The following FMN1 variants were observed in gnomAD, a reference collection of about 807,000 sequenced individuals.
FMN1 encodes the protein formin-1.
Under a neutral mutation model 132.4 loss-of-function variants are expected in FMN1, and 110 were observed. That is an observed-to-expected ratio of 0.83 (90% confidence interval 0.71 to 0.97). The LOEUF is 0.97. Ranked by LOEUF, FMN1 falls within the 50% of genes least tolerant of loss-of-function variation. The pLI is 0.00. For synonymous variants in FMN1, 722 were observed against 651.7 expected, an observed-to-expected ratio of 1.11 and a Z score of -1.64; for missense variants, 1,792 against 1,705.3, an observed-to-expected ratio of 1.05 and a Z score of -0.90.
intron 17 of FMN1, among the ~76,000 whole-genome samples, chr15:32,854,396 C>A (rs905999698): frequency 2.0e-5 from 3 of 152,168 alleles, no homozygotes; most frequent in African/African-American, 7.2e-5. Context: ...GACTTTTCTA[C>A]CATACGGTAT....
intron 1 of FMN1, among the ~76,000 whole-genome samples, chr15:33,194,326 G>C (rs1966193485): frequency 6.9e-6 from 1 of 144,776 alleles, no homozygotes; most frequent in Non-Finnish European, 1.5e-5. Flanking sequence ...GGACCTGAGA[G>C]TCAACGACAG....
intron 17 of FMN1, among the ~76,000 whole-genome samples, chr15:32,807,158 A>G (rs2141020729): frequency 6.6e-6 from 1 of 152,368 alleles, no homozygotes; most frequent in East Asian, 1.9e-4. Context: ...TATTTAGAAT[A>G]TGAACATAAG....
intron 4 of FMN1, among the ~76,000 whole-genome samples, chr15:33,119,546 T>C (rs1025054116): frequency 3.3e-5 from 5 of 152,224 alleles, no homozygotes; most frequent in African/African-American, 4.8e-5. Flanking sequence ...TTCGCCACTT[T>C]ATAGCCCTAT....
At chr15:33,081,327 A>T (rs2038448784) in intron 5 of FMN1, among the ~76,000 whole-genome samples, 1 of 152,200 alleles carries the variant, frequency 6.6e-6, no homozygotes, top group African/African-American at 2.4e-5. Context: ...ATGTTAAAAA[A>T]TTGATATACG....
intron 17 of FMN1, among the ~76,000 whole-genome samples, chr15:32,818,237 T>C (rs1442648254): frequency 6.6e-6 from 1 of 152,170 alleles, no homozygotes; most frequent in Non-Finnish European, 1.5e-5. Flanking sequence ...GGTATAGGTA[T>C]AGGTCAACTT....
intron 16 of FMN1, among the ~76,000 whole-genome samples, chr15:32,873,154 C>T (rs530243047): frequency 1.3e-5 from 2 of 152,302 alleles, no homozygotes; most frequent in East Asian, 3.9e-4. Flanking sequence ...TCCTATGTGT[C>T]TCACTTAATG....
intron 12 of FMN1, among the ~76,000 whole-genome samples, chr15:32,907,987 AAAAC>A (rs1284364220): frequency 6.6e-6 from 1 of 152,166 alleles, no homozygotes; most frequent in Non-Finnish European, 1.5e-5. Flanking sequence ...ACTGGAGAGA[AAAAC>A]AAGCATGTAC....
chr15:32,815,402 C>T (rs2058027392), intron 17 of FMN1, among the ~76,000 whole-genome samples: 1 of 152,044 alleles, frequency 6.6e-6, no homozygotes, highest in Non-Finnish European at 1.5e-5. Context: ...CTCCAACTAG[C>T]TTCTTTGGGT....
intron 17 of FMN1, among the ~76,000 whole-genome samples, chr15:32,807,743 A>G (rs1157747648): frequency 3.3e-5 from 5 of 152,222 alleles, no homozygotes; most frequent in Admixed American, 2.6e-4. Context: ...ATGTAAAAAG[A>G]GGTATTATTA....
At chr15:32,917,817 A>G (rs2060720700) in intron 10 of FMN1, among the ~76,000 whole-genome samples, 1 of 152,216 alleles carries the variant, frequency 6.6e-6, no homozygotes, top group African/African-American at 2.4e-5. Context: ...ACTACCCACA[A>G]AAGGCTACAA....
intron 6 of FMN1, among the ~76,000 whole-genome samples, chr15:33,033,724 C>A (rs1002703618): frequency 3.3e-5 from 5 of 150,890 alleles, no homozygotes; most frequent in African/African-American, 1.2e-4. Context: ...TACATACTGT[C>A]TCCAATTATC....
intron 9 of FMN1, among the ~76,000 whole-genome samples, chr15:32,962,105 T>TTTATTATTATTA (rs10645453): frequency 6.6e-6 from 1 of 150,760 alleles, no homozygotes; most frequent in African/African-American, 2.4e-5. Context: ...AGGGCAAGGA[T>TTTATTATTATTA]TTATTATTAT....
At chr15:33,083,532 A>T (rs1448509961) in intron 5 of FMN1, among the ~76,000 whole-genome samples, 1 of 152,174 alleles carries the variant, frequency 6.6e-6, no homozygotes, top group East Asian at 1.9e-4. Flanking sequence ...TAAAAACCCT[A>T]CCCAAAGAAG....
At chr15:33,103,667 A>T (rs774463148) in intron 4 of FMN1, among the ~76,000 whole-genome samples, 12 of 152,048 alleles carry the variant, frequency 7.9e-5, no homozygotes, top group Non-Finnish European at 1.5e-4. Flanking sequence ...AAAAACAAAA[A>T]CCCTAATCCA....
At chr15:32,950,638 T>G (rs1436605096) in intron 9 of FMN1, among the ~76,000 whole-genome samples, 1 of 152,100 alleles carries the variant, frequency 6.6e-6, no homozygotes, top group African/African-American at 2.4e-5. Flanking sequence ...AGTTAAATGA[T>G]GAGAACACAT....
intron 19 of FMN1, among the ~76,000 whole-genome samples, chr15:32,785,218 A>ATATATATTTTTTTTTTTTT (rs1444523400): frequency 7.7e-5 from 3 of 39,206 alleles, no homozygotes; most frequent in Admixed American, 3.4e-4. Context: ...ATATATATAT[A>ATATATATTTTTTTTTTTTT]TTTTTTTTTT....
chr15:33,119,444 T>C (rs1179474138), intron 4 of FMN1, among the ~76,000 whole-genome samples: 1 of 152,170 alleles, frequency 6.6e-6, no homozygotes, highest in Non-Finnish European at 1.5e-5. Context: ...CCCTGCTCCA[T>C]CGCAAGAGCA....
rs116849359 is a variant in FMN1 at position 32,869,922 on chromosome 15, A to C, written c.3836-12815T>G. Among the ~76,000 whole-genome samples the C allele has an allele frequency of 4.2e-3, 637 of 152,326 alleles. 4 individuals carry two copies. The highest frequency in any genetic ancestry group is 6.8e-3 in the Middle Eastern group (2 of 294). On this transcript the variant is annotated intron_variant, in intron 16 of 20. Transcript: ENST00000616417. Reference sequence around the variant, plus strand: ...AAGTTGGGGGTGCGGGGAAAAAGCCAGCTTGGAGAGGCGTGAGGTAAATGG... The same window carrying C: ...AAGTTGGGGGTGCGGGGAAAAAGCCCGCTTGGAGAGGCGTGAGGTAAATGG...
intron 2 of FMN1, among the ~76,000 whole-genome samples, chr15:33,185,851 C>A (rs1965866780): frequency 6.6e-6 from 1 of 152,102 alleles, no homozygotes; most frequent in Admixed American, 6.5e-5. Flanking sequence ...GGATTATAGG[C>A]ATGAGCCCCT....
Sources: gnomAD v4.1 joint callset for allele counts (sites outside exome capture counted in the v4.1 genomes callset) on GRCh38, gnomAD v4.1.1 for gene constraint, MANE v1.5 for transcripts, NCBI Gene and HGNC (gene_info 2026-07-23, HGNC 2026-07-21) for gene names.